Variants in COL22A1 observed in about 807,000 individuals in gnomAD.
COL22A1 encodes the protein collagen type XXII alpha 1 chain, also known as collagen alpha-1(XXII) chain.
In COL22A1, 221 loss-of-function variants were observed where a neutral mutation model predicts 248.9. The ratio of observed to expected loss-of-function variants is 0.89; its 90% confidence interval spans 0.80 to 0.99. The LOEUF is 0.99. Among genes scored for constraint, COL22A1 ranks in the 50% least tolerant of loss-of-function variants. The pLI is 0.00. For missense variants in COL22A1, 2,240 were observed against 2,179.0 expected (o/e 1.03, Z -0.56); for synonymous variants, 891 against 793.4 (o/e 1.12, Z -2.07).
chr8:138,904,593 T>C (rs1039729206), intron 1 of COL22A1, among the ~76,000 whole-genome samples: 7 of 146,256 alleles, frequency 4.8e-5, no homozygotes, highest in Admixed American at 3.3e-4. Flanking sequence ...ATTTTCAGTA[T>C]TGAATTCTTC....
At chr8:138,768,197 C>A (rs750967019) in intron 16 of COL22A1, among the ~76,000 whole-genome samples, 6 of 152,204 alleles carry the variant, frequency 3.9e-5, no homozygotes, top group Non-Finnish European at 8.8e-5. Flanking sequence ...CCTTTCCCAG[C>A]CCCCCATGGT....
rs1261425463 is a variant in COL22A1, at chr8:138,716,278, G to C, written c.2412C>G (p.Gly804=). The C allele has an allele frequency of 6.3e-7, 1 of 1,590,362 alleles. No individual in the cohort carries two copies. The change falls in exon 29 of 65, where the codon GGC becomes GGG. Residue 804 remains glycine (G), a synonymous_variant. Transcript: ENST00000303045. ...AGRPGEKGEA[G]LPGAPGFPGV... Reference sequence around the variant, plus strand: ...CTGGGAAGCCTGGAGCCCCTGGGAGGCCTGCTTCTCCCTGTGAGAACAAAA... The same window carrying C: ...CTGGGAAGCCTGGAGCCCCTGGGAGCCCTGCTTCTCCCTGTGAGAACAAAA...
At chr8:138,633,547 C>T (rs1167249007) in intron 49 of COL22A1, among the ~76,000 whole-genome samples, 1 of 152,228 alleles carries the variant, frequency 6.6e-6, no homozygotes, top group Non-Finnish European at 1.5e-5. Context: ...CTGAGATCCT[C>T]AGCTGTTAAG....
rs1563905020 is a variant in COL22A1, at chr8:138,901,249, TGG to T, written c.-73+12368_-73+12369del. Among the ~76,000 whole-genome samples, 5 of 151,776 alleles carry T rather than the reference TGG, an allele frequency of 3.3e-5. No individual in the cohort carries two copies. The South Asian group carries it at 1.0e-3, about 32-fold the overall frequency. ...ATCTGATTAATGGGAAGGAGCATTTTGGAAAGGGGAATGGGGTGAGGAGTGAA... is the reference window on the plus strand; with the variant it reads ...ATCTGATTAATGGGAAGGAGCATTTTAAAGGGGAATGGGGTGAGGAGTGAA... On this transcript the variant is annotated intron_variant, in intron 1 of 64. Transcript: ENST00000303045.
At chr8:138,665,671 A>C (rs1301299737) in intron 41 of COL22A1, among the ~76,000 whole-genome samples, 1 of 152,250 alleles carries the variant, frequency 6.6e-6, no homozygotes, top group Non-Finnish European at 1.5e-5. Context: ...ACAAAACTGC[A>C]ATCTCAAATT....
At position 138,720,782 on chromosome 8, in the gene COL22A1, C is replaced by T; in HGVS notation, c.2312G>A (p.Gly771Glu). 6.2e-7 allele frequency: 1 copy of T among 1,613,656 alleles called. No individual in the cohort carries two copies. Among genetic ancestry groups the T allele is most frequent in the Non-Finnish European group, 8.5e-7 (1 of 1,179,574 alleles). Residue 771 changes from glycine to glutamate, a missense_variant, in exon 27 of 65, where the codon GGA becomes GAA. Gly to Glu is a moderately conservative substitution (Grantham distance 98). Transcript: ENST00000303045. ...AGGCAGACCATCTTCCCCTCTTTCT[C>T]CTGGTTCTCCCTGGAAGGAATACAG... ...PGPPGTKGEP[G>E]ERGEDGLPGK...
At chr8:138,685,174 C>G (rs1826245471) in intron 38 of COL22A1, 34 bp downstream of exon 38, 1 of 1,390,084 alleles carries the variant, frequency 7.2e-7, no homozygotes, top group African/African-American at 1.4e-5. Flanking sequence ...CACCTGGTTT[C>G]TACAGGCACT....
chr8:138,691,625 G>T (rs1325524337), intron 35 of COL22A1, among the ~76,000 whole-genome samples: 1 of 152,106 alleles, frequency 6.6e-6, no homozygotes, highest in African/African-American at 2.4e-5. Flanking sequence ...GCACGTTTGT[G>T]GAGGTGTATG....
chr8:138,875,433 A>AAAAC (rs887705019), intron 3 of COL22A1, among the ~76,000 whole-genome samples: 8 of 152,176 alleles, frequency 5.3e-5, no homozygotes, highest in Non-Finnish European at 8.8e-5. Flanking sequence ...CAGGATGGCA[A>AAAAC]AAACAAACAA....
intron 15 of COL22A1, among the ~76,000 whole-genome samples, chr8:138,776,750 G>C (rs1814498340): frequency 6.6e-6 from 1 of 152,162 alleles, no homozygotes; most frequent in South Asian, 2.1e-4. Flanking sequence ...CACTAGGGCA[G>C]TTCCTTCAAT....
At chr8:138,848,289 G>C (rs1821389766) in intron 3 of COL22A1, among the ~76,000 whole-genome samples, 1 of 152,078 alleles carries the variant, frequency 6.6e-6, no homozygotes, top group African/African-American at 2.4e-5. Flanking sequence ...CACTCTCTAG[G>C]TAAGTGGAAC....
At chr8:138,876,325 T>C (rs1026525752) in intron 3 of COL22A1, among the ~76,000 whole-genome samples, 1 of 152,162 alleles carries the variant, frequency 6.6e-6, no homozygotes, top group Non-Finnish European at 1.5e-5. Flanking sequence ...TCATTCTCAG[T>C]ATCCCCACAC....
chr8:138,791,212 C>G (rs1161546739), intron 12 of COL22A1, among the ~76,000 whole-genome samples: 1 of 152,178 alleles, frequency 6.6e-6, no homozygotes, highest in Non-Finnish European at 1.5e-5. Flanking sequence ...GGATTAGAAG[C>G]ACCCCTAAGA....
chr8:138,899,862 C>T (rs1814413385), intron 1 of COL22A1, among the ~76,000 whole-genome samples: 1 of 152,034 alleles, frequency 6.6e-6, no homozygotes, highest in South Asian at 2.1e-4. Flanking sequence ...TATCATGATC[C>T]CTGACACTTA....
intron 63 of COL22A1, 87 bp from the exon 64 acceptor site, chr8:138,591,588 C>T (rs563685181): frequency 8.9e-6 from 9 of 1,013,998 alleles, no homozygotes; most frequent in Admixed American, 3.2e-5. Context: ...GGTGCAGGGG[C>T]AGCACTGGGC....
intron 16 of COL22A1, among the ~76,000 whole-genome samples, chr8:138,769,640 A>C (rs1834201529): frequency 6.6e-6 from 1 of 152,142 alleles, no homozygotes; most frequent in South Asian, 2.1e-4. Context: ...GGTACCTGAG[A>C]TCTCGAGCTG....
Position 138,631,102 on chromosome 8 carries a change from G to A in COL22A1, c.3610-354C>T, listed in dbSNP as rs958964557. Among the ~76,000 whole-genome samples the A allele has an allele frequency of 4.6e-5, 7 of 152,214 alleles. No individual in the cohort carries two copies. In the East Asian group the frequency reaches 5.8e-4, roughly 13 times the overall value. Reference sequence around the variant, plus strand: ...TCCTCTATGATGGGAAGTTCCCTGCGGTCTCATCAGAAGTCAAGAAGATGC... The same window carrying A: ...TCCTCTATGATGGGAAGTTCCCTGCAGTCTCATCAGAAGTCAAGAAGATGC... On this transcript the variant is annotated intron_variant, in intron 49 of 64. Transcript: ENST00000303045.
Position 138,826,669 on chromosome 8 carries a change from T to C in COL22A1, c.958A>G (p.Ser320Gly), listed in dbSNP as rs2292927. ...TCTGCTGCCCTTACCTGTGGGATGC[T>C]GTACTGGTCGATGACCTGCCAGATA... ...WYIWQVIDQY[S>G]IPQVSIRLDG... Residue 320 changes from serine to glycine, a missense_variant, in exon 6 of 65, where the codon AGC becomes GGC. Transcript: ENST00000303045. The C allele has an allele frequency of 0.81, 1,304,402 of 1,612,904 alleles. 528,102 individuals are homozygous for C. Among genetic ancestry groups the C allele is most frequent in the South Asian group, 0.87 (79,239 of 91,018 alleles).
chr8:138,793,872 C>T (rs899156801), intron 12 of COL22A1, among the ~76,000 whole-genome samples: 1 of 152,088 alleles, frequency 6.6e-6, no homozygotes, highest in Non-Finnish European at 1.5e-5. Context: ...GGAACACACG[C>T]GAAGGACACA....
Sources: gnomAD v4.1 joint callset for allele counts (sites outside exome capture counted in the v4.1 genomes callset) on GRCh38, gnomAD v4.1.1 for gene constraint, MANE v1.5 for transcripts, NCBI Gene and HGNC (gene_info 2026-07-23, HGNC 2026-07-21) for gene names.